The following UGT1A10 variants were observed in gnomAD, a reference collection of about 807,000 sequenced individuals.
The protein encoded by UGT1A10 is UDP-glucuronosyltransferase 1A10.
A neutral mutation model predicts 45.8 loss-of-function variants in UGT1A10; 49 were observed. The observed-to-expected ratio is 1.07, with a 90% CI of 0.85 to 1.36. The LOEUF is 1.36. Ranked by LOEUF, UGT1A10 falls within the 40% of genes most tolerant of loss-of-function variation. UGT1A10 has a pLI of 0.00. For missense variants in UGT1A10, 745 were observed against 668.6 expected, an observed-to-expected ratio of 1.11 and a Z score of -1.26; for synonymous variants, 284 against 249.7, an observed-to-expected ratio of 1.14 and a Z score of -1.29.
In UGT1A10 at chr2:233,650,838, A is replaced by G. The variant is rs28969693; in HGVS notation, c.855+13461A>G. 4.9e-3 allele frequency among the ~76,000 whole-genome samples: 747 copies of G among 152,296 alleles called. 10 individuals are homozygous for G. Among genetic ancestry groups the G allele is most frequent in the African/African-American group, 0.017 (707 of 41,570 alleles). Reference sequence around the variant, plus strand: ...TTTGGCACAAAGAAATTTGAAATCCATGCTTAAGTTTTTCATAATATGAAT... The same window carrying G: ...TTTGGCACAAAGAAATTTGAAATCCGTGCTTAAGTTTTTCATAATATGAAT... On this transcript the variant is annotated intron_variant, in intron 1 of 4. Coordinates refer to ENST00000344644, the MANE Select transcript of UGT1A10 (RefSeq NM_019075.4).
chr2:233,710,978 A>G (rs140635768), intron 1 of UGT1A10, among the ~76,000 whole-genome samples: 1 of 152,344 alleles, frequency 6.6e-6, no homozygotes, highest in Non-Finnish European at 1.5e-5. Context: ...GGAATATACA[A>G]TCATTCAGAT....
intron 1 of UGT1A10, among the ~76,000 whole-genome samples, chr2:233,688,037 A>G (rs972225806): frequency 2.6e-5 from 4 of 152,244 alleles, no homozygotes; most frequent in African/African-American, 9.6e-5. Flanking sequence ...ATCTAATTCC[A>G]GATCATTTTC....
At chr2:233,768,587 T>C (rs977103062) in intron 4 of UGT1A10, 148 bp downstream of exon 4, 429 of 888,300 alleles carry the variant, frequency 4.8e-4, no homozygotes, top group East Asian at 4.8e-3. Context: ...TTCTTCTTTT[T>C]TTTTTTTTTT....
At chr2:233,638,361 A>G (rs371270129) in intron 1 of UGT1A10, among the ~76,000 whole-genome samples, 1 of 152,138 alleles carries the variant, frequency 6.6e-6, no homozygotes, top group African/African-American at 2.4e-5. Context: ...TGGTTTTTGC[A>G]TATGTATCTT....
At chr2:233,762,807 C>T (rs1458193268) in intron 1 of UGT1A10, among the ~76,000 whole-genome samples, 1 of 151,450 alleles carries the variant, frequency 6.6e-6, no homozygotes, top group Non-Finnish European at 1.5e-5. Context: ...GCTATCTCAT[C>T]AAAATATTGA....
intron 1 of UGT1A10, among the ~76,000 whole-genome samples, chr2:233,736,696 G>T (rs2078794869): frequency 6.6e-6 from 1 of 152,182 alleles, no homozygotes. Flanking sequence ...TACAGATGGG[G>T]TTTTGGTGTA....
At chr2:233,733,659 C>T (rs1240175939) in intron 1 of UGT1A10, among the ~76,000 whole-genome samples, 3 of 152,202 alleles carry the variant, frequency 2.0e-5, no homozygotes, top group Non-Finnish European at 2.9e-5. Context: ...ATGAAGCCGA[C>T]TTGATCGATG....
chr2:233,686,223 C>A (rs2074778495), intron 1 of UGT1A10, among the ~76,000 whole-genome samples: 1 of 151,180 alleles, frequency 6.6e-6, no homozygotes, highest in Admixed American at 6.6e-5. Flanking sequence ...ATATTTGTGA[C>A]CTTGGATTTG....
At chr2:233,762,311 G>T (rs1026120967) in intron 1 of UGT1A10, among the ~76,000 whole-genome samples, 9 of 152,158 alleles carry the variant, frequency 5.9e-5, no homozygotes, top group African/African-American at 2.2e-4. Context: ...CTAGTTAATG[G>T]GTCGAGAGTA....
At chr2:233,667,034 T>C (rs2074093720) in intron 1 of UGT1A10, among the ~76,000 whole-genome samples, 2 of 152,194 alleles carry the variant, frequency 1.3e-5, no homozygotes. Flanking sequence ...CACATTTTCT[T>C]AATCCAGTCT....
chr2:233,767,044 C>T lies in UGT1A10; in HGVS notation c.866C>T (p.Ala289Val), dbSNP rs758873309. The T allele has an allele frequency of 6.2e-7, 1 of 1,613,992 alleles. No individual in the cohort carries two copies. The highest frequency in any genetic ancestry group is 1.1e-5 in the South Asian group (1 of 91,046). ...TTCTTCTGGCTCTAGGAATTTGAAG[C>T]CTACATTAATGCTTCTGGAGAACAT... ...QGKPLPMEFE[A>V]YINASGEHGI... is the part of the protein sequence containing the mutation. The change falls in exon 2 of 5, where the codon GCC becomes GTC. Residue 289 changes from alanine to valine, a missense_variant. Ala to Val is a moderately conservative substitution (Grantham distance 64). Coordinates refer to ENST00000344644, the MANE Select transcript of UGT1A10 (RefSeq NM_019075.4).
At chr2:233,695,498 T>G (rs2075292500) in intron 1 of UGT1A10, among the ~76,000 whole-genome samples, 1 of 152,042 alleles carries the variant, frequency 6.6e-6, no homozygotes, top group Non-Finnish European at 1.5e-5. Flanking sequence ...CTATCAAAGT[T>G]TTTGGAGTAT....
At chr2:233,734,935 C>A (rs1354608889) in intron 1 of UGT1A10, among the ~76,000 whole-genome samples, 1 of 152,058 alleles carries the variant, frequency 6.6e-6, no homozygotes, top group African/African-American at 2.4e-5. Flanking sequence ...TACTTACAAT[C>A]ATATGGTCAG....
chr2:233,687,393 A>G (rs984891443), intron 1 of UGT1A10, among the ~76,000 whole-genome samples: 3 of 152,106 alleles, frequency 2.0e-5, no homozygotes, highest in Non-Finnish European at 4.4e-5. Context: ...ATTAAATATA[A>G]TAAAAGCTAA....
chr2:233,653,755 G>A (rs2073792307), intron 1 of UGT1A10, among the ~76,000 whole-genome samples: 1 of 152,154 alleles, frequency 6.6e-6, no homozygotes, highest in Non-Finnish European at 1.5e-5. Flanking sequence ...CACCACCACA[G>A]TCAGCAAATT....
intron 1 of UGT1A10, among the ~76,000 whole-genome samples, chr2:233,749,225 A>G (rs1694145904): frequency 6.6e-6 from 1 of 151,808 alleles, no homozygotes; most frequent in Non-Finnish European, 1.5e-5. Context: ...TCTAAGCTTC[A>G]TTTTTTAAAA....
At chr2:233,770,500 A>AT (rs1700093584) in intron 4 of UGT1A10, 1 of 152,124 alleles carries the variant, frequency 6.6e-6, no homozygotes, top group Admixed American at 6.5e-5. Flanking sequence ...CCAAAAAAAT[A>AT]TAAAAAAATT....
chr2:233,738,152 A>C (rs1172003617), intron 1 of UGT1A10, among the ~76,000 whole-genome samples: 1 of 152,050 alleles, frequency 6.6e-6, no homozygotes, highest in Non-Finnish European at 1.5e-5. Flanking sequence ...CTTGCAAGCT[A>C]TTCCTCTTTC....
chr2:233,703,265 T>C (rs2075729501), intron 1 of UGT1A10, among the ~76,000 whole-genome samples: 1 of 152,208 alleles, frequency 6.6e-6, no homozygotes, highest in South Asian at 2.1e-4. Flanking sequence ...TATAATACTT[T>C]CTGTTTCTGT....
Sources: allele counts gnomAD v4.1 joint callset (sites outside exome capture counted in the v4.1 genomes callset), GRCh38; gene constraint gnomAD v4.1.1; transcripts MANE v1.5; gene names NCBI Gene and HGNC (gene_info 2026-07-23, HGNC 2026-07-21).